DNMT3A: variants seen among roughly 807,000 people sequenced by gnomAD.
DNMT3A encodes the protein DNA (cytosine-5)-methyltransferase 3A.
A neutral mutation model predicts 117.6 loss-of-function variants in DNMT3A; 267 were observed. That is an observed-to-expected ratio of 2.27 (90% CI 2.05 to 2.51). The LOEUF is 2.51. Among genes scored for constraint, DNMT3A ranks in the 30% most tolerant of loss-of-function variants. DNMT3A has a pLI of 0.00. For synonymous variants in DNMT3A, 432 were observed against 474.8 expected (o/e 0.91, Z 1.17); for missense variants, 1,029 against 1,260.2 (o/e 0.82, Z 2.78).
chr2:25,298,160 A>G lies in DNMT3A; in HGVS notation c.177+1979T>C, dbSNP rs999630551. ...CTGAGGTTCAGGCAGCAGCAGTTCA[A>G]GGTTACACAGGTGGTCAGTGGTGGA... is the stretch of plus-strand genomic sequence containing the variant. On this transcript the variant is annotated intron_variant, in intron 3 of 22. Coordinates refer to ENST00000321117, the MANE Select transcript of DNMT3A (RefSeq NM_022552.5). This position sits in a 1 kb window ranked among gnomAD's most constrained non-coding sequence, Gnocchi z 4.3. 8.5e-5 allele frequency among the ~76,000 whole-genome samples: 13 copies of G among 152,186 alleles called. No individual in the cohort carries two copies. The highest frequency in any genetic ancestry group is 1.8e-4 in the Non-Finnish European group (12 of 68,022).
intron 1 of DNMT3A, among the ~76,000 whole-genome samples, chr2:25,329,280 G>A (rs1175277459): frequency 2.0e-5 from 3 of 152,068 alleles, no homozygotes; most frequent in East Asian, 3.8e-4. Flanking sequence ...TGAGAGATTC[G>A]GGCCTCAGTT....
chr2:25,317,765 C>A (rs1296046153), intron 1 of DNMT3A, among the ~76,000 whole-genome samples: 1 of 152,188 alleles, frequency 6.6e-6, no homozygotes, highest in Non-Finnish European at 1.5e-5. Flanking sequence ...GATGGAGTTT[C>A]ACTCCTGTTG....
intron 1 of DNMT3A, among the ~76,000 whole-genome samples, chr2:25,332,283 T>C (rs1324122674): frequency 1.3e-5 from 2 of 152,202 alleles, no homozygotes; most frequent in Non-Finnish European, 1.5e-5. Context: ...GGCCAGAAAG[T>C]GCCGTCGTCC....
intron 1 of DNMT3A, among the ~76,000 whole-genome samples, chr2:25,321,778 C>T (rs763639244): frequency 2.6e-5 from 4 of 152,118 alleles, no homozygotes; most frequent in Non-Finnish European, 5.9e-5. Flanking sequence ...CCCAGCTACT[C>T]GAGAGGCTGA....
intron 3 of DNMT3A, among the ~76,000 whole-genome samples, chr2:25,291,183 G>T (rs2032735928): frequency 1.3e-5 from 2 of 152,218 alleles, no homozygotes; most frequent in African/African-American, 4.8e-5. Context: ...CAGTTCCTCA[G>T]CTCTGCAGGC....
At chr2:25,323,724 T>A (rs989023021) in intron 1 of DNMT3A, among the ~76,000 whole-genome samples, 7 of 152,232 alleles carry the variant, frequency 4.6e-5, no homozygotes, top group African/African-American at 1.7e-4. Context: ...TTCCTCTAAG[T>A]GGCCTTCGCT....
At chr2:25,300,825 ATCTC>A (rs1038700559) in intron 2 of DNMT3A, among the ~76,000 whole-genome samples, 5 of 129,612 alleles carry the variant, frequency 3.9e-5, no homozygotes, top group Non-Finnish European at 8.0e-5. Flanking sequence ...CCCGGAAGGC[ATCTC>A]TCTCTCTTTA....
At chr2:25,310,228 T>C (rs1481826184) in intron 2 of DNMT3A, among the ~76,000 whole-genome samples, 3 of 151,908 alleles carry the variant, frequency 2.0e-5, no homozygotes, top group Admixed American at 2.0e-4. Context: ...GGATCTGAGG[T>C]GGCCCTTGGA....
In DNMT3A at chr2:25,248,266, A is replaced by G. The variant is rs1675098702; in HGVS notation, c.640-14T>C. ...TTTCTTCTCAGCCTGGGGAAACAAA[A>G]AACAAAAAGTCACCTTGACCTCTCC... On this transcript the variant is annotated splice_polypyrimidine_tract_variant and intron_variant, in intron 6 of 22. Transcript: ENST00000321117. The G allele has an allele frequency of 1.2e-6, 2 of 1,611,352 alleles. No individual in the cohort carries two copies. The highest frequency in any genetic ancestry group is 1.3e-5 in the African/African-American group (1 of 74,596).
At position 25,300,700 on chromosome 2, in the gene DNMT3A, TCTAAATAATATA is replaced by T. The variant is rs1558722432; in HGVS notation, c.73-469_73-458del. On this transcript the variant is annotated intron_variant, in intron 2 of 22. Coordinates refer to ENST00000321117, the MANE Select transcript of DNMT3A (RefSeq NM_022552.5). The stretch of plus-strand genomic sequence containing the variant: ...ATATATTTAGATATATATTTATATA[TCTAAATAATATA>T]ATATATATATATATATATATATATA... Among the ~76,000 whole-genome samples the T allele has an allele frequency of 3.6e-4, 27 of 76,026 alleles. 1 individual carries two copies. The highest frequency in any genetic ancestry group is 6.1e-4 in the Non-Finnish European group (24 of 39,612). The allele number at this position is 76,026 out of a possible 152,430, so 49.9% of individuals were successfully genotyped here.
At chr2:25,295,649 T>C (rs2033044109) in intron 3 of DNMT3A, among the ~76,000 whole-genome samples, 1 of 152,122 alleles carries the variant, frequency 6.6e-6, no homozygotes, top group Non-Finnish European at 1.5e-5. Flanking sequence ...ACGGATGCAG[T>C]GATAAGGAGG....
At chr2:25,268,140 A>G (rs2149355048) in intron 6 of DNMT3A, among the ~76,000 whole-genome samples, 1 of 152,264 alleles carries the variant, frequency 6.6e-6, no homozygotes, top group African/African-American at 2.4e-5. Flanking sequence ...GGGAGGAGAG[A>G]CTATGATGTT....
chr2:25,269,611 G>A (rs951177456), intron 6 of DNMT3A, among the ~76,000 whole-genome samples: 4 of 152,174 alleles, frequency 2.6e-5, no homozygotes, highest in African/African-American at 9.7e-5. Context: ...AATAGCCAGA[G>A]GGTATCTGAC....
At chr2:25,265,818 CAA>C (rs35556148) in intron 6 of DNMT3A, among the ~76,000 whole-genome samples, 8 of 125,354 alleles carry the variant, frequency 6.4e-5, no homozygotes, top group Admixed American at 8.0e-5. Flanking sequence ...GACTCCATCT[CAA>C]AAAAAAAAAA....
intron 6 of DNMT3A, among the ~76,000 whole-genome samples, chr2:25,250,785 G>C (rs1480426005): frequency 6.6e-6 from 1 of 152,218 alleles, no homozygotes; most frequent in Admixed American, 6.5e-5. Context: ...GCGTGGCGAG[G>C]CCCCTGAGCC....
chr2:25,290,347 G>T (rs1441424425), intron 3 of DNMT3A, among the ~76,000 whole-genome samples: 1 of 130,168 alleles, frequency 7.7e-6, no homozygotes, highest in Admixed American at 7.4e-5. Context: ...TTGAGACGCA[G>T]TCTCACTCTG....
chr2:25,287,667 G>A (rs1017048102), intron 3 of DNMT3A, among the ~76,000 whole-genome samples: 22 of 151,978 alleles, frequency 1.4e-4, no homozygotes, highest in African/African-American at 4.8e-4. Context: ...GTTAGGGTGA[G>A]GTGCTGGCAT....
At chr2:25,278,040 G>GC (rs2031591411) in intron 4 of DNMT3A, among the ~76,000 whole-genome samples, 2 of 142,170 alleles carry the variant, frequency 1.4e-5, no homozygotes, top group African/African-American at 5.5e-5. Context: ...CACACACACA[G>GC]ACACACACGC....
chr2:25,255,529 G>A (rs902192490), intron 6 of DNMT3A, among the ~76,000 whole-genome samples: 3 of 152,220 alleles, frequency 2.0e-5, no homozygotes, highest in African/African-American at 7.2e-5. Context: ...AGTGACCTGA[G>A]AATGAGAGCA....
Sources: allele counts gnomAD v4.1 joint callset (sites outside exome capture counted in the v4.1 genomes callset), GRCh38; gene constraint gnomAD v4.1.1; non-coding constraint Gnocchi (gnomAD v3.1); transcripts MANE v1.5; gene names NCBI Gene and HGNC (gene_info 2026-07-23, HGNC 2026-07-21).